The following VIPR2 variants were observed in gnomAD, a reference collection of about 807,000 sequenced individuals.
The protein encoded by VIPR2 is vasoactive intestinal peptide receptor 2, also known as vasoactive intestinal polypeptide receptor 2.
In VIPR2, 48 loss-of-function variants were observed where a neutral mutation model predicts 58.0. That is an observed-to-expected ratio of 0.83 (90% CI 0.66 to 1.05). VIPR2 has a LOEUF of 1.05. Ranked by LOEUF, VIPR2 falls within the 50% of genes least tolerant of loss-of-function variation. VIPR2 has a pLI of 0.00. For missense variants in VIPR2, 534 were observed against 558.0 expected (o/e 0.96, Z 0.43); for synonymous variants, 243 against 235.2 (o/e 1.03, Z -0.30).
chr7:159,043,218 GGGGA>G (rs1386534714), intron 5 of VIPR2, 42 bp from the exon 6 acceptor site: 35 of 1,527,320 alleles, frequency 2.3e-5, no homozygotes, highest in Middle Eastern at 1.8e-4. Flanking sequence ...GGAGGGGGAA[GGGGA>G]GGGAGGGAGA....
intron 4 of VIPR2, among the ~76,000 whole-genome samples, chr7:159,070,565 G>C (rs534313478): frequency 1.1e-4 from 16 of 152,256 alleles, no homozygotes; most frequent in African/African-American, 3.9e-4. Flanking sequence ...CAGACAGCAC[G>C]TCAGGCGTTG....
intron 4 of VIPR2, among the ~76,000 whole-genome samples, chr7:159,069,923 A>G (rs1202816751): frequency 6.6e-6 from 1 of 152,216 alleles, no homozygotes; most frequent in East Asian, 1.9e-4. Flanking sequence ...ATTCTTGTTC[A>G]TGGTGCTTTT....
intron 2 of VIPR2, among the ~76,000 whole-genome samples, chr7:159,118,960 A>G (rs1796349491): frequency 6.6e-6 from 1 of 152,292 alleles, no homozygotes; most frequent in Non-Finnish European, 1.5e-5. Flanking sequence ...AATTCGCTAT[A>G]ATTTCCTTCA....
At chr7:159,063,040 G>C (rs1187622276) in intron 4 of VIPR2, among the ~76,000 whole-genome samples, 1 of 152,200 alleles carries the variant, frequency 6.6e-6, no homozygotes, top group Non-Finnish European at 1.5e-5. Flanking sequence ...AGACATAAAG[G>C]TTCCCCACGT....
In VIPR2 at chr7:159,098,171, C is replaced by T. The variant is rs115475783; in HGVS notation, c.357+5586G>A. On this transcript the variant is annotated intron_variant, in intron 4 of 12. Coordinates refer to ENST00000262178, the MANE Select transcript of VIPR2 (RefSeq NM_003382.5). This position sits in a 1 kb window ranked among gnomAD's most constrained non-coding sequence, Gnocchi z 5.2. ...GAACCCCGGCCCCCATCCATCAGCA[C>T]AGAAGAGTTGTGATGGGATGAAGGG... Among the ~76,000 whole-genome samples, 2,028 of 152,292 alleles carry T rather than the reference C, an allele frequency of 0.013. 41 individuals are homozygous for T. The highest frequency in any genetic ancestry group is 0.045 in the African/African-American group (1,882 of 41,556).
intron 3 of VIPR2, among the ~76,000 whole-genome samples, chr7:159,105,643 G>C (rs1450182855): frequency 2.6e-5 from 4 of 152,054 alleles, no homozygotes; most frequent in African/African-American, 9.7e-5. Flanking sequence ...ACCAATCAGG[G>C]GCTCTGACTA....
chr7:159,058,403 G>T, intron 5 of VIPR2, 78 bp downstream of exon 5: 1 of 1,206,476 alleles, frequency 8.3e-7, no homozygotes, highest in South Asian at 1.2e-5. Flanking sequence ...GCTCCAGGCT[G>T]GGTGGCGCCT....
chr7:159,082,299 G>A (rs1204499967), intron 4 of VIPR2, among the ~76,000 whole-genome samples: 1 of 152,152 alleles, frequency 6.6e-6, no homozygotes, highest in Non-Finnish European at 1.5e-5. Context: ...AAAATGATGA[G>A]TTCATGTCCT....
At chr7:159,083,284 C>T (rs1313517626) in intron 4 of VIPR2, among the ~76,000 whole-genome samples, 2 of 152,190 alleles carry the variant, frequency 1.3e-5, no homozygotes, top group African/African-American at 4.8e-5. Flanking sequence ...GGAGTCTCCC[C>T]CAGCTTCATC....
At chr7:159,080,122 C>A (rs1338428926) in intron 4 of VIPR2, among the ~76,000 whole-genome samples, 1 of 152,158 alleles carries the variant, frequency 6.6e-6, no homozygotes, top group Non-Finnish European at 1.5e-5. Context: ...TTTTATGAGG[C>A]CAGCATCATC....
At chr7:159,101,519 G>C in intron 4 of VIPR2, among the ~76,000 whole-genome samples, 1 of 130,286 alleles carries the variant, frequency 7.7e-6, no homozygotes, top group East Asian at 2.4e-4. Context: ...GTAGTGAACG[G>C]GTCTCACGAG....
intron 2 of VIPR2, among the ~76,000 whole-genome samples, chr7:159,129,506 C>T (rs28608165): frequency 0.012 from 42 of 3,514 alleles, 2 homozygotes; most frequent in East Asian, 0.026. Context: ...TGGACTCTGG[C>T]GGGGACAGGG....
intron 4 of VIPR2, among the ~76,000 whole-genome samples, chr7:159,082,592 C>A (rs995857238): frequency 6.6e-6 from 1 of 152,196 alleles, no homozygotes; most frequent in Non-Finnish European, 1.5e-5. Flanking sequence ...ACGTTGTGCA[C>A]ATGTACCCTA....
At position 159,121,504 on chromosome 7, in the gene VIPR2, T is replaced by G. The variant is rs182861476; in HGVS notation, c.152-11585A>C. On this transcript the variant is annotated intron_variant, in intron 2 of 12. Transcript: ENST00000262178. ...CATTTTGACACACTGTTACACATGC[T>G]TAGGTACCCGTGCGTGGGATACACA... is the stretch of plus-strand genomic sequence containing the variant. Among the ~76,000 whole-genome samples the G allele has an allele frequency of 3.4e-3, 512 of 152,334 alleles. 3 individuals are homozygous for G. Among genetic ancestry groups the G allele is most frequent in the African/African-American group, 0.012 (491 of 41,580 alleles).
intron 1 of VIPR2, 139 bp from the exon 2 acceptor site, chr7:159,142,684 C>G: frequency 1.8e-6 from 1 of 555,894 alleles, no homozygotes; most frequent in Non-Finnish European, 3.2e-6. Flanking sequence ...AACCAATCAC[C>G]TTGATTTTTC....
chr7:159,117,785 G>A (rs1796295789), intron 2 of VIPR2, among the ~76,000 whole-genome samples: 1 of 152,218 alleles, frequency 6.6e-6, no homozygotes, highest in Non-Finnish European at 1.5e-5. Context: ...AGCAGGACTT[G>A]GAGGAGGGGC....
At chr7:159,102,823 G>A (rs142488197) in intron 4 of VIPR2, among the ~76,000 whole-genome samples, 12 of 152,094 alleles carry the variant, frequency 7.9e-5, no homozygotes, top group African/African-American at 1.7e-4. Context: ...TGGGGAGCGC[G>A]ATACTTCCCA....
At chr7:159,094,924 G>A (rs1857743111) in intron 4 of VIPR2, among the ~76,000 whole-genome samples, 1 of 152,196 alleles carries the variant, frequency 6.6e-6, no homozygotes, top group Non-Finnish European at 1.5e-5. Flanking sequence ...CCTAGGAAGT[G>A]GGGGCCTTTG....
At chr7:159,142,859 C>A (rs147526132) in intron 1 of VIPR2, among the ~76,000 whole-genome samples, 1 of 152,214 alleles carries the variant, frequency 6.6e-6, no homozygotes, top group Non-Finnish European at 1.5e-5. Context: ...TCTCTCCATA[C>A]CCGGCTCCTC....
Sources: allele counts gnomAD v4.1 joint callset (sites outside exome capture counted in the v4.1 genomes callset), GRCh38; gene constraint gnomAD v4.1.1; non-coding constraint Gnocchi (gnomAD v3.1); transcripts MANE v1.5; gene names NCBI Gene and HGNC (gene_info 2026-07-23, HGNC 2026-07-21).